Variants in C1orf105 observed in about 807,000 individuals in gnomAD.
C1orf105 encodes the protein chromosome 1 open reading frame 105.
In C1orf105, 17 loss-of-function variants were observed where a neutral mutation model predicts 20.8. That is an observed-to-expected ratio of 0.82 (90% confidence interval 0.56 to 1.23). The LOEUF is 1.23. Among genes scored for constraint, C1orf105 ranks in the 50% most tolerant of loss-of-function variants. The pLI, the probability that C1orf105 is intolerant of heterozygous loss-of-function variation, is 0.00. For synonymous variants in C1orf105, 72 were observed against 72.1 expected, an observed-to-expected ratio of 1.00 and a Z score of 0.01; for missense variants, 219 against 213.5, an observed-to-expected ratio of 1.03 and a Z score of -0.16.
chr1:172,461,424 T>C (rs952357556), intron 4 of C1orf105, among the ~76,000 whole-genome samples: 1 of 152,206 alleles, frequency 6.6e-6, no homozygotes, highest in Non-Finnish European at 1.5e-5. Flanking sequence ...ATCTTTGTAA[T>C]TGTCATTTTA....
chr1:172,454,113 G>T lies in C1orf105; in HGVS notation c.199-2302G>T, dbSNP rs569343856. ...ATAGTAGTCTTAGCAGAAACCAGAA[G>T]TCTGGAAAAAGGTGAAGGAAATAAT... On this transcript the variant is annotated intron_variant, in intron 3 of 6. Transcript: ENST00000367727. Among the ~76,000 whole-genome samples, 38 of 152,222 alleles carry T rather than the reference G, an allele frequency of 2.5e-4. 1 individual carries two copies. Among genetic ancestry groups the T allele is most frequent in the African/African-American group, 8.2e-4 (34 of 41,514 alleles).
chr1:172,468,384 G>C, intron 6 of C1orf105, 65 bp from the exon 7 acceptor site: 1 of 1,287,004 alleles, frequency 7.8e-7, no homozygotes, highest in Non-Finnish European at 1.0e-6. Context: ...TGGTTATTTT[G>C]AGCTTCTTTA....
rs1385621794 is a variant in C1orf105 at position 172,456,453 on chromosome 1, C to T, written c.237C>T (p.Asn79=). Residue 79 remains asparagine (N), a synonymous_variant, in exon 4 of 7, where the codon AAC becomes AAT. Transcript: ENST00000367727. ...RNQCDSMLLR[N]QQLCSTCQEM... Reference sequence around the variant, plus strand: ...AGTGTGACTCCATGCTGCTCAGAAACCAACAGCTGTGCTCCACATGTCAAG... The same window carrying T: ...AGTGTGACTCCATGCTGCTCAGAAATCAACAGCTGTGCTCCACATGTCAAG... 6.2e-7 allele frequency: 1 copy of T among 1,613,546 alleles called. No individual in the cohort carries two copies. The highest frequency in any genetic ancestry group is 2.2e-5 in the East Asian group (1 of 44,894).
intron 6 of C1orf105, among the ~76,000 whole-genome samples, chr1:172,466,336 C>A (rs1312137312): frequency 6.6e-6 from 1 of 152,176 alleles, no homozygotes. Context: ...TAGTTCATGG[C>A]TCTCATTTAG....
At chr1:172,453,118 C>G in intron 3 of C1orf105, 1 of 1,550,950 alleles carries the variant, frequency 6.4e-7, no homozygotes, top group South Asian at 1.2e-5. Context: ...CTTCAATGCC[C>G]TCATCCCTTC....
chr1:172,459,278 G>GA (rs1573890243), intron 4 of C1orf105, among the ~76,000 whole-genome samples: 1 of 152,022 alleles, frequency 6.6e-6, no homozygotes, highest in East Asian at 1.9e-4. Flanking sequence ...CAAATCAACA[G>GA]ATGAAGGATT....
At position 172,420,832 on chromosome 1, in the gene C1orf105, T is replaced by C. The variant is rs1300581705; in HGVS notation, c.-54T>C. 2.5e-6 allele frequency: 4 copies of C among 1,582,348 alleles called. No individual in the cohort carries two copies. Among genetic ancestry groups the C allele is most frequent in the Non-Finnish European group, 3.5e-6 (4 of 1,152,038 alleles). Reference sequence around the variant, plus strand: ...TTCCACTGGCCACAGTGAGGGGAGCTAGGTTTCCCCAGTCTCCAGCTAGAA... The same window carrying C: ...TTCCACTGGCCACAGTGAGGGGAGCCAGGTTTCCCCAGTCTCCAGCTAGAA... On this transcript the variant is annotated 5_prime_UTR_variant, in exon 1 of 7. Transcript: ENST00000367727.
At chr1:172,464,644 G>GTTT in intron 5 of C1orf105, among the ~76,000 whole-genome samples, 1 of 146,756 alleles carries the variant, frequency 6.8e-6, no homozygotes, top group Admixed American at 6.7e-5. Flanking sequence ...GAAGAGTTCT[G>GTTT]TTTTTTTTTT....
At chr1:172,429,125 A>T (rs2071796715) in intron 1 of C1orf105, among the ~76,000 whole-genome samples, 1 of 152,230 alleles carries the variant, frequency 6.6e-6, no homozygotes, top group Admixed American at 6.5e-5. Context: ...TTGGTAACAT[A>T]GCCTTAGGCA....
chr1:172,422,492 C>T (rs971529734), intron 1 of C1orf105, among the ~76,000 whole-genome samples: 1 of 152,154 alleles, frequency 6.6e-6, no homozygotes, highest in African/African-American at 2.4e-5. Flanking sequence ...CCAAGTACTA[C>T]ATACCGTGGG....
intron 4 of C1orf105, among the ~76,000 whole-genome samples, chr1:172,460,841 T>C (rs1486700647): frequency 6.6e-6 from 1 of 152,166 alleles, no homozygotes; most frequent in African/African-American, 2.4e-5. Context: ...CAAGAATGAA[T>C]AGGAGTCTCC....
At chr1:172,462,889 C>T (rs1222082013) in intron 5 of C1orf105, among the ~76,000 whole-genome samples, 1 of 152,130 alleles carries the variant, frequency 6.6e-6, no homozygotes, top group East Asian at 1.9e-4. Context: ...TCTCTTGCCT[C>T]AACTTCCCAA....
chr1:172,462,837 A>G (rs1054566253), intron 5 of C1orf105, among the ~76,000 whole-genome samples: 3 of 152,108 alleles, frequency 2.0e-5, no homozygotes, highest in African/African-American at 7.2e-5. Context: ...CAGTGGCGCA[A>G]TCTTGGCTCA....
chr1:172,447,448 A>T (rs980632338), intron 2 of C1orf105, among the ~76,000 whole-genome samples: 1 of 152,178 alleles, frequency 6.6e-6, no homozygotes, highest in African/African-American at 2.4e-5. Flanking sequence ...TTCAAGTCAC[A>T]CTAAGGTCAT....
At chr1:172,440,377 A>G (rs1042397550) in intron 1 of C1orf105, among the ~76,000 whole-genome samples, 7 of 152,332 alleles carry the variant, frequency 4.6e-5, no homozygotes, top group Non-Finnish European at 7.4e-5. Context: ...TAGCTATTAC[A>G]TAGTGCTGAT....
Position 172,468,547 on chromosome 1 carries a change from T to C in C1orf105, c.505T>C (p.Ser169Pro), listed in dbSNP as rs1384552699. The stretch of plus-strand genomic sequence containing the variant: ...CAAAACTCTAAAAGAGAGACAACGT[T>C]CTTCCTTGCCCAGAAAGGAACCAAT... The part of the protein sequence containing the change: ...AYKTLKERQR[S>P]SLPRKEPIGK... Residue 169 changes from serine (S) to proline (P), a missense_variant, in exon 7 of 7, where the codon TCT becomes CCT. Physicochemically the swap from Ser to Pro is moderately conservative, Grantham distance 74. Transcript: ENST00000367727. 1 of 1,613,876 alleles carries C rather than the reference T, an allele frequency of 6.2e-7. No homozygotes were observed. The highest frequency in any genetic ancestry group is 8.5e-7 in the Non-Finnish European group (1 of 1,179,926).
At chr1:172,443,540 G>A (rs557822823) in intron 1 of C1orf105, 4 of 167,122 alleles carry the variant, frequency 2.4e-5, no homozygotes, top group African/African-American at 9.6e-5. Flanking sequence ...CTCTTGAGAG[G>A]ATCGAAGAAG....
At chr1:172,436,212 A>C (rs963835843) in intron 1 of C1orf105, among the ~76,000 whole-genome samples, 6 of 152,204 alleles carry the variant, frequency 3.9e-5, no homozygotes, top group Admixed American at 3.9e-4. Flanking sequence ...GCTACCAATG[A>C]CTTTCTTCAC....
At chr1:172,441,931 A>AC (rs928180304) in intron 1 of C1orf105, 2 of 1,613,910 alleles carry the variant, frequency 1.2e-6, no homozygotes, top group Non-Finnish European at 1.7e-6. Context: ...AAGCAGTGTG[A>AC]CCCCCACATA....
Sources: allele counts gnomAD v4.1 joint callset (sites outside exome capture counted in the v4.1 genomes callset), GRCh38; gene constraint gnomAD v4.1.1; transcripts MANE v1.5; gene names NCBI Gene and HGNC (gene_info 2026-07-23, HGNC 2026-07-21).